MCF2L: variants seen among roughly 807,000 people sequenced by gnomAD.
MCF2L encodes the protein MCF.2 cell line derived transforming sequence like, also known as guanine nucleotide exchange factor DBS.
In MCF2L, 97 loss-of-function variants were observed where a neutral mutation model predicts 153.4. The observed-to-expected ratio is 0.63, with a 90% CI of 0.54 to 0.75. The LOEUF (loss-of-function observed/expected upper bound fraction) is 0.75, where lower values mean the gene tolerates loss of function less well. Among genes scored for constraint, MCF2L ranks in the 30% least tolerant of loss-of-function variants. The pLI is 0.00. For synonymous variants in MCF2L, 659 were observed against 632.2 expected, an observed-to-expected ratio of 1.04 and a Z score of -0.64; for missense variants, 1,347 against 1,495.2, an observed-to-expected ratio of 0.90 and a Z score of 1.64.
At position 113,099,268 on chromosome 13, in the gene MCF2L, T is replaced by G. The variant is rs184532320; in HGVS notation, c.*2409T>G. On this transcript the variant is annotated 3_prime_UTR_variant, in exon 30 of 30. Coordinates refer to ENST00000535094, the MANE Select transcript of MCF2L (RefSeq NM_001112732.3). Reference sequence around the variant, plus strand: ...CAATGTTGACTGTCATGAAAAGTGATCCCTGTTTGCCCCTAAACGTAGAGA... The same window carrying G: ...CAATGTTGACTGTCATGAAAAGTGAGCCCTGTTTGCCCCTAAACGTAGAGA... 4.6e-5 allele frequency: 7 copies of G among 152,284 alleles called. No homozygotes were observed. Among genetic ancestry groups the G allele is most frequent in the Non-Finnish European group, 1.0e-4 (7 of 68,032 alleles). The allele number at this position is 152,284 out of a possible 1,614,324, so 9.4% of individuals were successfully genotyped here.
intron 8 of MCF2L, among the ~76,000 whole-genome samples, chr13:113,067,210 G>A (rs997095760): frequency 5.3e-5 from 8 of 152,086 alleles, no homozygotes; most frequent in Non-Finnish European, 1.0e-4. Flanking sequence ...CCAGCTACGC[G>A]GAGGCAGAGG....
At chr13:113,081,621 C>G (rs1337690103) in intron 16 of MCF2L, among the ~76,000 whole-genome samples, 1 of 152,260 alleles carries the variant, frequency 6.6e-6, no homozygotes, top group African/African-American at 2.4e-5. Context: ...GCAAGCAAAA[C>G]TCGTCGGAGG....
chr13:112,928,701 G>A (rs1025968355), intron 2 of MCF2L, among the ~76,000 whole-genome samples: 1 of 152,194 alleles, frequency 6.6e-6, no homozygotes, highest in Admixed American at 6.5e-5. Flanking sequence ...ACACACACAG[G>A]ACTAAGAGAC....
chr13:113,019,634 C>T (rs895230575), intron 2 of MCF2L, among the ~76,000 whole-genome samples: 8 of 152,330 alleles, frequency 5.3e-5, no homozygotes, highest in South Asian at 2.1e-4. Flanking sequence ...GATGGTTTCA[C>T]GACATCCAAC....
chr13:112,993,763 G>A lies in MCF2L; in HGVS notation c.80-21000G>A, dbSNP rs1393578032. The stretch of plus-strand genomic sequence containing the variant: ...ATCCCATCCCATTTTAGCACCAGAA[G>A]TGGCTGTGTGAGCTGGGAATGGGGT... On this transcript the variant is annotated intron_variant, in intron 1 of 29. Coordinates refer to ENST00000535094, the MANE Select transcript of MCF2L (RefSeq NM_001112732.3). The surrounding 1 kb of genome is among the most constrained non-coding windows in gnomAD (Gnocchi z 4.6). 5.3e-5 allele frequency among the ~76,000 whole-genome samples: 8 copies of A among 152,178 alleles called. No homozygotes were observed. Among genetic ancestry groups the A allele is most frequent in the African/African-American group, 1.9e-4 (8 of 41,440 alleles).
chr13:113,065,309 T>C, intron 7 of MCF2L: 1 of 559,064 alleles, frequency 1.8e-6, no homozygotes, highest in Non-Finnish European at 3.2e-6. Context: ...ATGAACCCTG[T>C]AGATTGCTGG....
At chr13:113,062,089 G>C (rs1383080374) in intron 5 of MCF2L, among the ~76,000 whole-genome samples, 1 of 151,082 alleles carries the variant, frequency 6.6e-6, no homozygotes, top group Non-Finnish European at 1.5e-5. Context: ...AGAACCACCA[G>C]CTTCCAAGCC....
At chr13:112,922,746 A>G (rs2081364969) in intron 2 of MCF2L, among the ~76,000 whole-genome samples, 1 of 152,176 alleles carries the variant, frequency 6.6e-6, no homozygotes, top group Non-Finnish European at 1.5e-5. Context: ...GAGGCAGGAG[A>G]ATTGCTTGAA....
In MCF2L at chr13:113,013,950, C is replaced by T. The variant is rs1322571009; in HGVS notation, c.80-813C>T. On this transcript the variant is annotated intron_variant, in intron 1 of 29. Coordinates refer to ENST00000535094, the MANE Select transcript of MCF2L (RefSeq NM_001112732.3). Reference sequence around the variant, plus strand: ...CTCCATGCTCCTAGCTGGTGCTGACCCCATGCTCCGAGCTGATGCTGGCCT... The same window carrying T: ...CTCCATGCTCCTAGCTGGTGCTGACTCCATGCTCCGAGCTGATGCTGGCCT... Among the ~76,000 whole-genome samples the T allele has an allele frequency of 2.0e-5, 3 of 150,466 alleles. No homozygotes were observed. The East Asian group carries it at 5.8e-4, about 29-fold the overall frequency.
At chr13:113,044,689 T>G (rs2086695205) in intron 3 of MCF2L, 2 of 1,612,648 alleles carry the variant, frequency 1.2e-6, no homozygotes, top group Admixed American at 3.3e-5. Flanking sequence ...ACGGAGGCTG[T>G]CGTTATACAA....
chr13:113,041,289 G>A (rs2086465797), intron 3 of MCF2L, among the ~76,000 whole-genome samples: 1 of 152,210 alleles, frequency 6.6e-6, no homozygotes, highest in Admixed American at 6.5e-5. Flanking sequence ...ACAGATGTGG[G>A]CATAGATCCG....
chr13:112,934,098 A>G (rs1303398500), intron 2 of MCF2L, among the ~76,000 whole-genome samples: 2 of 152,228 alleles, frequency 1.3e-5, no homozygotes, highest in Non-Finnish European at 1.5e-5. Context: ...TTTTAACCCT[A>G]TTTCCCACCA....
intron 1 of MCF2L, among the ~76,000 whole-genome samples, chr13:113,004,272 C>T (rs990112471): frequency 6.6e-6 from 1 of 152,216 alleles, no homozygotes; most frequent in African/African-American, 2.4e-5. Flanking sequence ...TGCAGAGAAG[C>T]GTCCATCTGC....
At position 113,074,880 on chromosome 13, in the gene MCF2L, C is replaced by T; in HGVS notation, c.1117-118C>T. On this transcript the variant is annotated intron_variant, in intron 10 of 29. Coordinates refer to ENST00000535094, the MANE Select transcript of MCF2L (RefSeq NM_001112732.3). This position sits in a 1 kb window ranked among gnomAD's most constrained non-coding sequence, Gnocchi z 4.2. ...TAAGCAGCATCTCAGGCATCCGCAG[C>T]AGTAAACAAAGAAATCAAGACACAC... The T allele has an allele frequency of 1.0e-6, 1 of 956,404 alleles. No homozygotes were observed. Among genetic ancestry groups the T allele is most frequent in the South Asian group, 1.6e-5 (1 of 63,176 alleles). 59.2% of individuals were successfully genotyped at this position (956,404 alleles called of 1,614,324 possible).
intron 1 of MCF2L, chr13:113,001,714 A>C: frequency 7.4e-7 from 1 of 1,359,582 alleles, no homozygotes; most frequent in Non-Finnish European, 9.4e-7. Flanking sequence ...CTCCTTAATC[A>C]GGGACATCGA....
chr13:113,065,184 A>T, intron 7 of MCF2L, 99 bp downstream of exon 7: 2 of 1,464,556 alleles, frequency 1.4e-6, no homozygotes, highest in Non-Finnish European at 1.9e-6. Flanking sequence ...CTTTCGTCCC[A>T]GCGGGAGTTT....
chr13:112,917,222 C>T (rs530615419), intron 2 of MCF2L: 35 of 469,314 alleles, frequency 7.5e-5, no homozygotes, highest in East Asian at 2.8e-4. Context: ...GCCCTGCCTC[C>T]GCAGAGCCTC....
chr13:113,064,617 G>T lies in MCF2L; in HGVS notation c.606+197G>T. 1.7e-6 allele frequency: 1 copy of T among 572,650 alleles called. No homozygotes were observed. Among genetic ancestry groups the T allele is most frequent in the Non-Finnish European group, 3.1e-6 (1 of 322,890 alleles). The allele number at this position is 572,650 out of a possible 1,614,324, so 35.5% of individuals were successfully genotyped here. On this transcript the variant is annotated intron_variant, in intron 6 of 29. Transcript: ENST00000535094. The surrounding 1 kb of genome is among the most constrained non-coding windows in gnomAD (Gnocchi z 6.0). Reference sequence around the variant, plus strand: ...AACGTGAGTCATAAGTTTGGGAGTGGCTTTCTCTGGGCTTGGAGACCAAAA... The same window carrying T: ...AACGTGAGTCATAAGTTTGGGAGTGTCTTTCTCTGGGCTTGGAGACCAAAA...
chr13:113,094,790 T>A (rs2035510298), intron 27 of MCF2L, 155 bp downstream of exon 27: 5 of 1,066,896 alleles, frequency 4.7e-6, no homozygotes, highest in Middle Eastern at 6.3e-4. Flanking sequence ...TTACGGGCAG[T>A]GCCAGCTCCT....
Sources: allele counts gnomAD v4.1 joint callset (sites outside exome capture counted in the v4.1 genomes callset), GRCh38; gene constraint gnomAD v4.1.1; non-coding constraint Gnocchi (gnomAD v3.1); transcripts MANE v1.5; gene names NCBI Gene and HGNC (gene_info 2026-07-23, HGNC 2026-07-21).